KCNK10: variants seen among roughly 807,000 people sequenced by gnomAD.
The protein encoded by KCNK10 is potassium two pore domain channel subfamily K member 10.
KCNK10 carries 25 observed loss-of-function variants against 47.7 expected under a neutral mutation model. The observed-to-expected ratio is 0.52, with a 90% CI of 0.38 to 0.73. The LOEUF (loss-of-function observed/expected upper bound fraction) is 0.73. Among genes scored for constraint, KCNK10 ranks in the 30% least tolerant of loss-of-function variants. KCNK10 has a pLI of 0.00. For missense variants in KCNK10, 563 were observed against 714.5 expected (o/e 0.79, Z 2.42); for synonymous variants, 303 against 285.6 (o/e 1.06, Z -0.61).
intron 1 of KCNK10, among the ~76,000 whole-genome samples, chr14:88,314,001 A>G (rs769965215): frequency 1.1e-4 from 17 of 152,218 alleles, no homozygotes; most frequent in Non-Finnish European, 2.1e-4. Flanking sequence ...TATGAAGTTT[A>G]TTCACATTTG....
intron 1 of KCNK10, among the ~76,000 whole-genome samples, chr14:88,270,010 G>A (rs187372101): frequency 2.6e-5 from 4 of 152,218 alleles, no homozygotes; most frequent in African/African-American, 7.2e-5. Flanking sequence ...ACACAGCAGC[G>A]TGACTCTGCT....
chr14:88,235,930 A>T (rs557079001), intron 3 of KCNK10, among the ~76,000 whole-genome samples: 17 of 152,334 alleles, frequency 1.1e-4, no homozygotes, highest in Admixed American at 5.9e-4. Context: ...GTCACCTATA[A>T]AAGTGGGGAA....
intron 4 of KCNK10, among the ~76,000 whole-genome samples, chr14:88,212,109 A>AATATATATATAT (rs34318518): frequency 3.7e-4 from 50 of 133,382 alleles, no homozygotes; most frequent in African/African-American, 7.8e-4. Flanking sequence ...TGATAGTGAG[A>AATATATATATAT]ATATATATAT....
At chr14:88,218,630 G>A (rs772835551) in intron 4 of KCNK10, among the ~76,000 whole-genome samples, 2 of 151,118 alleles carry the variant, frequency 1.3e-5, no homozygotes, top group South Asian at 4.2e-4. Context: ...CTGCTGATCC[G>A]AGCCGGAAAA....
Position 88,185,460 on chromosome 14 carries a change from A to T in KCNK10, c.*75T>A. 6.5e-7 allele frequency: 1 copy of T among 1,528,414 alleles called. No homozygotes were observed. Among genetic ancestry groups the T allele is most frequent in the Non-Finnish European group, 8.8e-7 (1 of 1,139,002 alleles). 94.7% of individuals were successfully genotyped at this position (1,528,414 alleles called of 1,614,324 possible). ...GGACTAAAAAGTCTGTTTAAGGCAC[A>T]TGTCTCAGTGTGAATATTAAAAACA... On this transcript the variant is annotated 3_prime_UTR_variant, in exon 7 of 7. Transcript: ENST00000319231. The surrounding 1 kb of genome is among the most constrained non-coding windows in gnomAD (Gnocchi z 4.3).
intron 1 of KCNK10, among the ~76,000 whole-genome samples, chr14:88,280,893 C>T (rs1006292970): frequency 3.3e-5 from 5 of 152,292 alleles, no homozygotes; most frequent in East Asian, 3.9e-4. Flanking sequence ...AAAATCTTTT[C>T]GAAACATAAA....
At chr14:88,188,634 A>G (rs1458847336) in intron 5 of KCNK10, among the ~76,000 whole-genome samples, 2 of 152,212 alleles carry the variant, frequency 1.3e-5, no homozygotes, top group Non-Finnish European at 2.9e-5. Context: ...TGATGCAAGC[A>G]ATAGTGATTT....
Position 88,185,900 on chromosome 14 carries a change from T to C in KCNK10, c.1267A>G (p.Asn423Asp). The change falls in exon 7 of 7, where the codon AAC (asparagine) becomes GAC (aspartate). Residue 423 changes from asparagine (N) to aspartate (D), a missense_variant. Physicochemically the swap from Asn to Asp is conservative, Grantham distance 23. Transcript: ENST00000319231. The surrounding 1 kb of genome is among the most constrained non-coding windows in gnomAD (Gnocchi z 4.3). ...FKASSQESIN[N>D]RPNNLRLKGP... Reference sequence around the variant, plus strand: ...TTCAGGCGCAGGTTGTTGGGCCGGTTGTTGATGCTCTCCTGGGATGAGGCC... The same window carrying C: ...TTCAGGCGCAGGTTGTTGGGCCGGTCGTTGATGCTCTCCTGGGATGAGGCC... 1 of 1,614,074 alleles carries C rather than the reference T, an allele frequency of 6.2e-7. No homozygotes were observed. Among genetic ancestry groups the C allele is most frequent in the Non-Finnish European group, 8.5e-7 (1 of 1,180,002 alleles).
chr14:88,202,867 G>A (rs2025020), intron 4 of KCNK10, among the ~76,000 whole-genome samples: 1 of 151,884 alleles, frequency 6.6e-6, no homozygotes, highest in African/African-American at 2.4e-5. Flanking sequence ...CTTTCTGCTG[G>A]TGATTCACCA....
At chr14:88,295,210 CTG>C (rs1887962390) in intron 1 of KCNK10, among the ~76,000 whole-genome samples, 1 of 152,344 alleles carries the variant, frequency 6.6e-6, no homozygotes, top group East Asian at 1.9e-4. Flanking sequence ...CAACTTTGCT[CTG>C]TCACCCTTGT....
At chr14:88,270,485 C>T (rs1887377293) in intron 1 of KCNK10, among the ~76,000 whole-genome samples, 1 of 152,182 alleles carries the variant, frequency 6.6e-6, no homozygotes, top group Non-Finnish European at 1.5e-5. Context: ...ACTAAGAGAG[C>T]AAGCCATGGT....
chr14:88,293,977 T>C (rs1203758076), intron 1 of KCNK10, among the ~76,000 whole-genome samples: 1 of 152,166 alleles, frequency 6.6e-6, no homozygotes, highest in East Asian at 1.9e-4. Flanking sequence ...CTGTGCCTAG[T>C]CCTGCTTCCA....
intron 1 of KCNK10, among the ~76,000 whole-genome samples, chr14:88,270,098 C>A (rs955615389): frequency 2.0e-5 from 3 of 152,154 alleles, no homozygotes; most frequent in South Asian, 2.1e-4. Context: ...CACCTCCCCC[C>A]TCCCCGCAGC....
chr14:88,288,420 T>C (rs1389066601), intron 1 of KCNK10, among the ~76,000 whole-genome samples: 1 of 152,096 alleles, frequency 6.6e-6, no homozygotes, highest in Non-Finnish European at 1.5e-5. Flanking sequence ...AGTCTATGGC[T>C]CCACCCTGCC....
intron 2 of KCNK10, among the ~76,000 whole-genome samples, chr14:88,246,264 GAAAAAAA>G (rs35102974): frequency 1.1e-4 from 6 of 55,324 alleles, no homozygotes; most frequent in South Asian, 1.5e-3. Context: ...CTCCGTCTCA[GAAAAAAA>G]AAAAAAAAAA....
chr14:88,187,513 T>G (rs1192930548), intron 6 of KCNK10, among the ~76,000 whole-genome samples: 3 of 152,108 alleles, frequency 2.0e-5, no homozygotes, highest in African/African-American at 7.2e-5. Flanking sequence ...TTGGGCTCAC[T>G]TCCCCGTAGC....
In KCNK10 at chr14:88,322,907, G is replaced by T. The variant is rs1435051420; in HGVS notation, c.-109C>A. 1 of 1,578,322 alleles carries T rather than the reference G, an allele frequency of 6.3e-7. No individual in the cohort carries two copies. The highest frequency in any genetic ancestry group is 2.3e-5 in the East Asian group (1 of 43,996). On this transcript the variant is annotated 5_prime_UTR_variant, in exon 1 of 7. Transcript: ENST00000319231. The surrounding 1 kb of genome is among the most constrained non-coding windows in gnomAD (Gnocchi z 4.8). The stretch of plus-strand genomic sequence containing the variant: ...GTCCAACAAAACAATTTCCGAGGAT[G>T]GGGGAGCCTTGGACTGGCTCGTGGA...
intron 1 of KCNK10, among the ~76,000 whole-genome samples, chr14:88,273,382 A>C (rs955395346): frequency 6.6e-6 from 1 of 152,214 alleles, no homozygotes; most frequent in African/African-American, 2.4e-5. Context: ...ATACCATAGC[A>C]GCATTTTGCT....
intron 1 of KCNK10, among the ~76,000 whole-genome samples, chr14:88,276,494 T>A (rs1166288997): frequency 6.6e-6 from 1 of 152,156 alleles, no homozygotes; most frequent in Non-Finnish European, 1.5e-5. Context: ...GATCATCCTC[T>A]CTTTCCAGCT....
Sources: gnomAD v4.1 joint callset for allele counts (sites outside exome capture counted in the v4.1 genomes callset) on GRCh38, gnomAD v4.1.1 for gene constraint, Gnocchi (gnomAD v3.1) non-coding constraint, MANE v1.5 for transcripts, NCBI Gene and HGNC (gene_info 2026-07-23, HGNC 2026-07-21) for gene names.